Variants in ZNF420 observed in about 807,000 individuals in gnomAD.
ZNF420 encodes the protein zinc finger protein 420.
A neutral mutation model predicts 44.7 loss-of-function variants in ZNF420; 31 were observed. The ratio of observed to expected loss-of-function variants is 0.69; its 90% CI spans 0.52 to 0.94. The LOEUF (loss-of-function observed/expected upper bound fraction) is 0.94, where lower values mean the gene tolerates loss of function less well. Ranked by LOEUF, ZNF420 falls within the 40% of genes least tolerant of loss-of-function variation. ZNF420 has a pLI of 0.00. For missense variants in ZNF420, 681 were observed against 827.9 expected, an observed-to-expected ratio of 0.82 and a Z score of 2.18; for synonymous variants, 245 against 267.4, an observed-to-expected ratio of 0.92 and a Z score of 0.82.
At chr19:37,037,643 C>G (rs769264127) in intron 1 of ZNF420, among the ~76,000 whole-genome samples, 4 of 152,118 alleles carry the variant, frequency 2.6e-5, no homozygotes, top group Non-Finnish European at 5.9e-5. Context: ...GTGGACAGTT[C>G]GGGAAGACTT....
At chr19:37,048,721 AT>A (rs112139783) in intron 1 of ZNF420, among the ~76,000 whole-genome samples, 5 of 151,952 alleles carry the variant, frequency 3.3e-5, no homozygotes, top group South Asian at 2.1e-4. Context: ...TTATTTAAAA[AT>A]TTTTTTTAAT....
At chr19:37,116,594 CAGACAGTGGGTGCA>C (rs1360286583) in intron 4 of ZNF420, among the ~76,000 whole-genome samples, 1 of 152,068 alleles carries the variant, frequency 6.6e-6, no homozygotes, top group African/African-American at 2.4e-5. Flanking sequence ...TAGGGAGTGC[CAGACAGTGGGTGCA>C]GGACAGTGGG....
intron 1 of ZNF420, among the ~76,000 whole-genome samples, chr19:37,010,003 G>A (rs1450139849): frequency 6.6e-6 from 1 of 152,130 alleles, no homozygotes; most frequent in Non-Finnish European, 1.5e-5. Context: ...CCCTACTGCC[G>A]CCGCCATTGT....
intron 4 of ZNF420, among the ~76,000 whole-genome samples, chr19:37,102,813 T>G (rs1044272319): frequency 6.6e-6 from 1 of 152,210 alleles, no homozygotes; most frequent in African/African-American, 2.4e-5. Flanking sequence ...CATAAACACT[T>G]TTTAACTCCT....
intron 1 of ZNF420, among the ~76,000 whole-genome samples, chr19:37,058,305 C>T (rs2146435830): frequency 6.6e-6 from 1 of 152,280 alleles, no homozygotes; most frequent in Admixed American, 6.5e-5. Context: ...CACCTCATGG[C>T]TGGGTGGATT....
chr19:37,073,751 G>GAA (rs71177422), upstream of ZNF420, among the ~76,000 whole-genome samples: 101 of 100,688 alleles, frequency 1.0e-3, no homozygotes, highest in South Asian at 2.4e-3. Flanking sequence ...CCTGAAAAAA[G>GAA]AAAAAAAAAA....
intron 4 of ZNF420, among the ~76,000 whole-genome samples, chr19:37,116,205 A>G (rs1471558100): frequency 6.6e-6 from 1 of 151,896 alleles, no homozygotes; most frequent in Non-Finnish European, 1.5e-5. Context: ...TGTCTCTACT[A>G]AAAATACAAA....
chr19:37,128,280 G>C lies in ZNF420; in HGVS notation c.1289G>C (p.Arg430Pro), dbSNP rs540901024. Residue 430 changes from arginine (R) to proline (P), a missense_variant, in exon 5 of 5, where the codon CGT (arginine) becomes CCT (proline). Physicochemically the swap from Arg to Pro is moderately radical, Grantham distance 103 (BLOSUM62 -2). This residue lies in a region of ZNF420 where 280 missense variants were observed against 338.6 expected (regional missense o/e 0.83). Coordinates refer to ENST00000337995, the MANE Select transcript of ZNF420 (RefSeq NM_144689.5). ...AAGGAATGTGGAAAAGCGTTTAATC[G>C]TGGCTCACTCCTTACACGACACCAG... ...QCKECGKAFN[R>P]GSLLTRHQRI... is the part of the protein sequence containing the mutation. 6.2e-7 allele frequency: 1 copy of C among 1,613,720 alleles called. No individual in the cohort carries two copies. Among genetic ancestry groups the C allele is most frequent in the South Asian group, 1.1e-5 (1 of 91,048 alleles).
At chr19:37,065,360 G>GT (rs1967951711) in intron 1 of ZNF420, among the ~76,000 whole-genome samples, 1 of 152,220 alleles carries the variant, frequency 6.6e-6, no homozygotes. Flanking sequence ...TTTACATTAT[G>GT]TCAGACATGC....
chr19:37,034,015 A>G (rs1192005958), intron 1 of ZNF420, among the ~76,000 whole-genome samples: 2 of 151,632 alleles, frequency 1.3e-5, no homozygotes, highest in Non-Finnish European at 2.9e-5. Flanking sequence ...TCAGCATGCT[A>G]AAGTGCTGGG....
In ZNF420 at chr19:37,128,026, T is replaced by C. The variant is rs375802855; in HGVS notation, c.1035T>C (p.Ile345=). 5.0e-5 allele frequency: 80 copies of C among 1,613,694 alleles called. No homozygotes were observed. The East Asian group carries it at 1.2e-3, about 24-fold the overall frequency. ...YECKECGRAF[I]RGSLLMQHQR... is the part of the protein sequence containing the mutation. ...GTAAGGAATGTGGAAGGGCCTTTAT[T>C]CGGGGCTCACTACTGATGCAACATC... is the stretch of plus-strand genomic sequence containing the variant. Residue 345 remains isoleucine (I), a synonymous_variant, in exon 5 of 5, where the codon ATT becomes ATC. Transcript: ENST00000337995.
At position 37,130,020 on chromosome 19, in the gene ZNF420, T is replaced by C; in HGVS notation, c.*962T>C. Reference sequence around the variant, plus strand: ...TTTCTCTTTTTTAGTAACAAATTTCTGGGCTGAAAATCTCAGCCTTCCTTG... The same window carrying C: ...TTTCTCTTTTTTAGTAACAAATTTCCGGGCTGAAAATCTCAGCCTTCCTTG... On this transcript the variant is annotated 3_prime_UTR_variant, in exon 5 of 5. Coordinates refer to ENST00000337995, the MANE Select transcript of ZNF420 (RefSeq NM_144689.5). The C allele has an allele frequency of 8.5e-6, 13 of 1,529,478 alleles. No individual in the cohort carries two copies. The highest frequency in any genetic ancestry group is 1.1e-5 in the Non-Finnish European group (13 of 1,136,554). The allele number at this position is 1,529,478 out of a possible 1,614,324, so 94.7% of individuals were successfully genotyped here. A position where few individuals can be genotyped will look rare whatever the true frequency, so the allele number is the denominator to read the frequency against.
At chr19:37,021,936 C>CAAAAAA (rs60559933) in intron 1 of ZNF420, among the ~76,000 whole-genome samples, 112 of 84,550 alleles carry the variant, frequency 1.3e-3, no homozygotes, top group East Asian at 2.0e-3. Flanking sequence ...CAGTCTGTCT[C>CAAAAAA]AAAAAAAAAA....
intron 1 of ZNF420, among the ~76,000 whole-genome samples, chr19:37,036,444 G>C (rs1404160749): frequency 6.6e-6 from 1 of 152,072 alleles, no homozygotes; most frequent in Non-Finnish European, 1.5e-5. Flanking sequence ...GATATGTGTT[G>C]TTCCTGGTGC....
intron 2 of ZNF420, among the ~76,000 whole-genome samples, chr19:37,088,831 G>A (rs1968972805): frequency 6.6e-6 from 1 of 152,152 alleles, no homozygotes; most frequent in African/African-American, 2.4e-5. Flanking sequence ...CATTTCAGAA[G>A]TAGTAGAGAC....
At chr19:37,038,539 T>C (rs1967397045) in intron 1 of ZNF420, among the ~76,000 whole-genome samples, 1 of 152,248 alleles carries the variant, frequency 6.6e-6, no homozygotes, top group South Asian at 2.1e-4. Flanking sequence ...GTTTATGGAA[T>C]ATTGTAAGTC....
intron 1 of ZNF420, among the ~76,000 whole-genome samples, chr19:37,047,398 A>C (rs1220485716): frequency 6.6e-6 from 1 of 152,208 alleles, no homozygotes; most frequent in African/African-American, 2.4e-5. Flanking sequence ...GACACAGTGC[A>C]CAAGGCATTA....
chr19:37,027,880 T>C (rs147613325), intron 1 of ZNF420, among the ~76,000 whole-genome samples: 48 of 152,364 alleles, frequency 3.2e-4, no homozygotes, highest in African/African-American at 1.0e-3. Context: ...TATAAGCTGC[T>C]GTAATCATTC....
At position 37,129,277 on chromosome 19, in the gene ZNF420, T is replaced by A; in HGVS notation, c.*219T>A. 1.8e-6 allele frequency: 1 copy of A among 562,772 alleles called. No homozygotes were observed. The highest frequency in any genetic ancestry group is 3.1e-6 in the Non-Finnish European group (1 of 327,322). 34.9% of individuals were successfully genotyped at this position (562,772 alleles called of 1,614,324 possible). ...GAGAATAGTTTTAATATAGTAAATGTAGGAAGCCCTTTAGCCATATTGAAA... is the reference window on the plus strand; with the variant it reads ...GAGAATAGTTTTAATATAGTAAATGAAGGAAGCCCTTTAGCCATATTGAAA... On this transcript the variant is annotated 3_prime_UTR_variant, in exon 5 of 5. Transcript: ENST00000337995.
Sources: allele counts gnomAD v4.1 joint callset (sites outside exome capture counted in the v4.1 genomes callset), GRCh38; gene constraint gnomAD v4.1.1; regional missense constraint gnomAD v4.1.1; transcripts MANE v1.5; gene names NCBI Gene and HGNC (gene_info 2026-07-23, HGNC 2026-07-21).